The following ZNF317 variants were observed in gnomAD, a reference collection of about 807,000 sequenced individuals.
The protein encoded by ZNF317 is KRAB-containing zinc finger protein 317.
A neutral mutation model predicts 23.4 loss-of-function variants in ZNF317; 17 were observed. The ratio of observed to expected loss-of-function variants is 0.73; its 90% CI spans 0.50 to 1.09. ZNF317 has a LOEUF of 1.09. ZNF317 is among the 50% of genes least tolerant of loss of function. ZNF317 has a pLI of 0.00. For missense variants in ZNF317, 679 were observed against 796.7 expected (o/e 0.85, Z 1.78); for synonymous variants, 317 against 314.9 (o/e 1.01, Z -0.07).
At position 9,160,116 on chromosome 19, in the gene ZNF317, A is replaced by G. The variant is rs777923266; in HGVS notation, c.471A>G (p.Glu157=). The G allele has an allele frequency of 1.9e-6, 3 of 1,613,846 alleles. No homozygotes were observed. The South Asian group carries it at 3.3e-5, about 18-fold the overall frequency. ...GKETPSGVTM[E]RAGLGEKSTE... ...AGCACTTACGTCTTAACCAACAGGAAAGAGCCGGTCTTGGAGAGAAGTCCA... is the reference window on the plus strand; with the variant it reads ...AGCACTTACGTCTTAACCAACAGGAGAGAGCCGGTCTTGGAGAGAAGTCCA... Residue 157 remains glutamate, a splice_region_variant and synonymous_variant, in exon 7 of 7, where the codon GAA becomes GAG. Transcript: ENST00000247956. This position sits in a 1 kb window ranked among gnomAD's most constrained non-coding sequence, Gnocchi z 6.8.
chr19:9,152,095 A>G (rs939837938), intron 1 of ZNF317, among the ~76,000 whole-genome samples: 2 of 151,764 alleles, frequency 1.3e-5, no homozygotes, highest in Non-Finnish European at 2.9e-5. Flanking sequence ...TTTAGTAGAG[A>G]TGGGGTTTTA....
At chr19:9,156,189 CCCCAGTGACTGTG>C in intron 2 of ZNF317, 148 bp downstream of exon 2, 2 of 986,654 alleles carry the variant, frequency 2.0e-6, no homozygotes, top group Non-Finnish European at 3.1e-6. Context: ...CCAGCAGCCA[CCCCAGTGACTGTG>C]TCTGCTGAGG....
At chr19:9,151,854 T>A (rs2050738224) in intron 1 of ZNF317, among the ~76,000 whole-genome samples, 1 of 152,094 alleles carries the variant, frequency 6.6e-6, no homozygotes, top group Admixed American at 6.6e-5. Flanking sequence ...ATGTCCTTGA[T>A]GTTAATTCTA....
At chr19:9,154,419 T>C (rs2050764151) in intron 1 of ZNF317, among the ~76,000 whole-genome samples, 1 of 152,196 alleles carries the variant, frequency 6.6e-6, no homozygotes, top group African/African-American at 2.4e-5. Context: ...ACCCCCTTTT[T>C]TTTTTCAATT....
intron 1 of ZNF317, among the ~76,000 whole-genome samples, chr19:9,147,754 G>A (rs2050698960): frequency 6.6e-6 from 1 of 152,122 alleles, no homozygotes; most frequent in African/African-American, 2.4e-5. Flanking sequence ...CTTAGATGCT[G>A]AAATCTTCCT....
chr19:9,151,344 A>T (rs1204911824), intron 1 of ZNF317, among the ~76,000 whole-genome samples: 1 of 152,228 alleles, frequency 6.6e-6, no homozygotes, highest in Non-Finnish European at 1.5e-5. Context: ...CACACTTCCT[A>T]TATTATTGTT....
intron 1 of ZNF317, among the ~76,000 whole-genome samples, chr19:9,144,826 C>T (rs906553417): frequency 7.2e-5 from 11 of 152,042 alleles, no homozygotes; most frequent in African/African-American, 2.7e-4. Flanking sequence ...TCTTTAATTA[C>T]TTCTTTCTCC....
At chr19:9,145,136 C>T (rs1286184109) in intron 1 of ZNF317, among the ~76,000 whole-genome samples, 1 of 152,166 alleles carries the variant, frequency 6.6e-6, no homozygotes, top group Admixed American at 6.5e-5. Context: ...CTTCTGCCTC[C>T]TGGGTTCCAG....
In ZNF317 at chr19:9,161,026, C is replaced by A; in HGVS notation, c.1381C>A (p.Leu461Ile). 6.2e-7 allele frequency: 1 copy of A among 1,614,202 alleles called. No homozygotes were observed. The highest frequency in any genetic ancestry group is 8.5e-7 in the Non-Finnish European group (1 of 1,180,050). ...CGKAFSASSN[L>I]TAHRKIHTQE... Reference sequence around the variant, plus strand: ...GAAAGCTTTCAGCGCGAGTTCAAACCTCACCGCACACAGGAAGATACACAC... The same window carrying A: ...GAAAGCTTTCAGCGCGAGTTCAAACATCACCGCACACAGGAAGATACACAC... The change falls in exon 7 of 7, where the codon CTC (leucine) becomes ATC (isoleucine). Residue 461 changes from leucine to isoleucine, a missense_variant. Leu to Ile is a conservative substitution (Grantham distance 5, BLOSUM62 2). Coordinates refer to ENST00000247956, the MANE Select transcript of ZNF317 (RefSeq NM_020933.5). This position sits in a 1 kb window ranked among gnomAD's most constrained non-coding sequence, Gnocchi z 4.0.
rs937311510 is a variant in ZNF317, at chr19:9,160,295, A to G, written c.650A>G (p.Asp217Gly). Residue 217 changes from aspartate (D) to glycine (G), a missense_variant, in exon 7 of 7, where the codon GAC becomes GGC. Physicochemically the swap from Asp to Gly is moderately conservative, Grantham distance 94. Coordinates refer to ENST00000247956, the MANE Select transcript of ZNF317 (RefSeq NM_020933.5). This position sits in a 1 kb window ranked among gnomAD's most constrained non-coding sequence, Gnocchi z 6.8. The part of the protein sequence containing the change: ...PHLTQHMSMY[D>G]GRKMHECHQC... ...CTCACTCAGCACATGAGCATGTACG[A>G]CGGGAGAAAAATGCATGAATGTCAT... is the stretch of plus-strand genomic sequence containing the variant. The G allele has an allele frequency of 1.2e-6, 2 of 1,614,206 alleles. No homozygotes were observed. Among genetic ancestry groups the G allele is most frequent in the Non-Finnish European group, 8.5e-7 (1 of 1,180,046 alleles).
rs374896137 is a variant in ZNF317 at position 9,147,841 on chromosome 19, C to G, written c.-93+7249C>G. Among the ~76,000 whole-genome samples, 6 of 152,158 alleles carry G rather than the reference C, an allele frequency of 3.9e-5. No individual in the cohort carries two copies. In the East Asian group the frequency reaches 5.8e-4, roughly 15 times the overall value. On this transcript the variant is annotated intron_variant, in intron 1 of 6. Transcript: ENST00000247956. ...TGGATGTGTATCCGCCCCCTCCCCC[C>G]CTCCAAATCTCATATGGAAATGTAA...
At chr19:9,142,544 ATTTT>A (rs35609929) in intron 1 of ZNF317, among the ~76,000 whole-genome samples, 1 of 133,736 alleles carries the variant, frequency 7.5e-6, no homozygotes, top group African/African-American at 2.9e-5. Context: ...TTAACAAGTG[ATTTT>A]TTTTTTTTTT....
In ZNF317 at chr19:9,161,537, C is replaced by A; in HGVS notation, c.*104C>A. ...CGCACCTTACTGGGTGCAAAAGAAT[C>A]CACGGAACTTGGGAGAAGTCCAGTT... is the stretch of plus-strand genomic sequence containing the variant. On this transcript the variant is annotated 3_prime_UTR_variant, in exon 7 of 7. Transcript: ENST00000247956. This position sits in a 1 kb window ranked among gnomAD's most constrained non-coding sequence, Gnocchi z 4.0. The A allele has an allele frequency of 2.0e-6, 3 of 1,479,554 alleles. No homozygotes were observed. The highest frequency in any genetic ancestry group is 2.7e-6 in the Non-Finnish European group (3 of 1,106,476). The allele number at this position is 1,479,554 out of a possible 1,614,324, so 91.7% of individuals were successfully genotyped here.
At chr19:9,157,854 T>G in intron 4 of ZNF317, 126 bp from the exon 5 acceptor site, 1 of 1,409,324 alleles carries the variant, frequency 7.1e-7, no homozygotes, top group East Asian at 2.6e-5. Flanking sequence ...ACCACCATTT[T>G]GCTGCTCCTA....
intron 5 of ZNF317, among the ~76,000 whole-genome samples, 160 bp downstream of exon 5, chr19:9,158,235 C>T (rs1012242717): frequency 6.6e-6 from 1 of 152,108 alleles, no homozygotes; most frequent in Non-Finnish European, 1.5e-5. Flanking sequence ...GGTCCACACA[C>T]TCCTTCATCT....
Position 9,161,843 on chromosome 19 carries a change from AC to A in ZNF317, c.*413del, listed in dbSNP as rs1418049347. ...CTCTGTAAACACAGTGGCTGGGGAA[AC>A]CCTTCCTAGTCTCACTTGATTCCTC... is the stretch of plus-strand genomic sequence containing the variant. On this transcript the variant is annotated 3_prime_UTR_variant, in exon 7 of 7. Coordinates refer to ENST00000247956, the MANE Select transcript of ZNF317 (RefSeq NM_020933.5). This position sits in a 1 kb window ranked among gnomAD's most constrained non-coding sequence, Gnocchi z 4.0. 1 of 166,328 alleles carries A rather than the reference AC, an allele frequency of 6.0e-6. No individual in the cohort carries two copies. The highest frequency in any genetic ancestry group is 1.3e-5 in the Non-Finnish European group (1 of 75,872). The allele number at this position is 166,328 out of a possible 1,614,324, so 10.3% of individuals were successfully genotyped here.
chr19:9,157,135 T>C, intron 3 of ZNF317, 133 bp from the exon 4 acceptor site: 4 of 1,107,194 alleles, frequency 3.6e-6, no homozygotes, highest in Non-Finnish European at 3.9e-6. Flanking sequence ...CTGGAGGAAA[T>C]GTTGAGCCCC....
chr19:9,143,982 TTTTTC>T (rs2050659689), intron 1 of ZNF317, among the ~76,000 whole-genome samples: 1 of 98,162 alleles, frequency 1.0e-5, no homozygotes, highest in African/African-American at 8.6e-5. Context: ...ATTGTACTCT[TTTTTC>T]TTTCTTTCTT....
At chr19:9,155,387 GT>G (rs2050773149) in intron 1 of ZNF317, among the ~76,000 whole-genome samples, 2 of 152,168 alleles carry the variant, frequency 1.3e-5, no homozygotes, top group Non-Finnish European at 2.9e-5. Flanking sequence ...TAAAGTGAGA[GT>G]TGATGTGAGA....
Sources: allele counts gnomAD v4.1 joint callset (sites outside exome capture counted in the v4.1 genomes callset), GRCh38; gene constraint gnomAD v4.1.1; non-coding constraint Gnocchi (gnomAD v3.1); transcripts MANE v1.5; gene names NCBI Gene and HGNC (gene_info 2026-07-23, HGNC 2026-07-21).